Variants in RTF2 observed in about 807,000 individuals in gnomAD.
The protein encoded by RTF2 is UPF0549 protein C20orf43.
RTF2 carries 18 observed loss-of-function variants against 38.0 expected under a neutral mutation model. The observed-to-expected ratio is 0.47, with a 90% CI of 0.33 to 0.70. The LOEUF (loss-of-function observed/expected upper bound fraction) is 0.70, where lower values mean the gene tolerates loss of function less well. Ranked by LOEUF, RTF2 falls within the 30% of genes least tolerant of loss-of-function variation. The pLI is 0.02. For missense variants in RTF2, 311 were observed against 379.6 expected (o/e 0.82, Z 1.50); for synonymous variants, 126 against 137.1 (o/e 0.92, Z 0.57).
intron 4 of RTF2, among the ~76,000 whole-genome samples, chr20:56,478,040 T>C (rs1982345421): frequency 2.0e-5 from 3 of 152,326 alleles, no homozygotes; most frequent in Admixed American, 2.0e-4. Context: ...TTTCATAGGA[T>C]GTCTCACTAA....
At chr20:56,471,403 C>G (rs1237771927) in intron 1 of RTF2, among the ~76,000 whole-genome samples, 1 of 152,050 alleles carries the variant, frequency 6.6e-6, no homozygotes, top group Non-Finnish European at 1.5e-5. Context: ...CCTGTCTCCA[C>G]TAAAAATACA....
Position 56,468,763 on chromosome 20 carries a change from G to A in RTF2, c.66G>A (p.Glu22=), listed in dbSNP as rs1981811311. The change falls in exon 1 of 9, where the codon GAG becomes GAA. Residue 22 remains glutamate, a synonymous_variant. Coordinates refer to ENST00000357348, the MANE Select transcript of RTF2 (RefSeq NM_016407.5). ...HELVKGPKKV[E]KVDKDAELVA... is the part of the protein sequence containing the mutation. ...TGGTGAAGGGGCCGAAGAAGGTTGA[G>A]AAGGTCAGTGATGTGGGCCGGCTCT... 1 of 1,579,010 alleles carries A rather than the reference G, an allele frequency of 6.3e-7. No homozygotes were observed. The highest frequency in any genetic ancestry group is 8.6e-7 in the Non-Finnish European group (1 of 1,162,526).
intron 5 of RTF2, among the ~76,000 whole-genome samples, chr20:56,512,737 T>G (rs1355321371): frequency 2.0e-5 from 3 of 152,146 alleles, no homozygotes; most frequent in Non-Finnish European, 4.4e-5. Context: ...CAGCTGGGTG[T>G]TAAGGGAAAA....
intron 5 of RTF2, among the ~76,000 whole-genome samples, chr20:56,493,056 A>G (rs1983271697): frequency 6.6e-6 from 1 of 151,990 alleles, no homozygotes; most frequent in Non-Finnish European, 1.5e-5. Flanking sequence ...CGTGCCTGTA[A>G]TCCCAGCCAC....
rs539046442 is a variant in RTF2 at position 56,468,665 on chromosome 20, G to T, written c.-33G>T. On this transcript the variant is annotated 5_prime_UTR_variant, in exon 1 of 9. Coordinates refer to ENST00000357348, the MANE Select transcript of RTF2 (RefSeq NM_016407.5). ...GAAATCCCGGAAGTGACAGCTTTGG[G>T]GGTTTGCTGCTGGCTCTGACTCCCG... The T allele has an allele frequency of 3.9e-6, 6 of 1,550,976 alleles. No individual in the cohort carries two copies. Among genetic ancestry groups the T allele is most frequent in the African/African-American group, 2.7e-5 (2 of 73,304 alleles).
At chr20:56,477,574 G>A (rs530733647) in intron 4 of RTF2, among the ~76,000 whole-genome samples, 6 of 152,026 alleles carry the variant, frequency 3.9e-5, no homozygotes, top group Admixed American at 6.5e-5. Flanking sequence ...GTAGAAATAA[G>A]GTCTCACTTT....
At chr20:56,491,868 G>A (rs1313008294) in intron 5 of RTF2, 22 of 922,450 alleles carry the variant, frequency 2.4e-5, no homozygotes, top group African/African-American at 6.6e-5. Context: ...TGCTCCGTCC[G>A]GTGTCAGTGG....
chr20:56,476,917 T>C lies in RTF2; in HGVS notation c.259-68T>C, dbSNP rs3818166. ...GGGCTGGAATAACAATTTGTTGACT[T>C]ACGTGGTTAAGGCAAAGGATGATCT... On this transcript the variant is annotated intron_variant, in intron 3 of 8. Coordinates refer to ENST00000357348, the MANE Select transcript of RTF2 (RefSeq NM_016407.5). The C allele has an allele frequency of 0.022, 32,695 of 1,512,808 alleles. 2,703 individuals carry two copies. The East Asian group carries it at 0.29, about 13-fold the overall frequency. 93.7% of individuals were successfully genotyped at this position (1,512,808 alleles called of 1,614,324 possible).
intron 4 of RTF2, among the ~76,000 whole-genome samples, chr20:56,482,730 C>A (rs1982585654): frequency 6.6e-6 from 1 of 152,242 alleles, no homozygotes; most frequent in Non-Finnish European, 1.5e-5. Flanking sequence ...CAATCTGCGT[C>A]TGCTATAATC....
chr20:56,489,951 G>T (rs538206263), intron 5 of RTF2, among the ~76,000 whole-genome samples: 1 of 152,224 alleles, frequency 6.6e-6, no homozygotes, highest in East Asian at 1.9e-4. Flanking sequence ...TGGGAAGGTG[G>T]TGGTGGGCTG....
intron 5 of RTF2, among the ~76,000 whole-genome samples, chr20:56,507,681 G>A (rs1984369727): frequency 6.6e-6 from 1 of 152,168 alleles, no homozygotes; most frequent in Admixed American, 6.5e-5. Context: ...ATAGAAAGAA[G>A]CAGCAGCAGA....
intron 5 of RTF2, among the ~76,000 whole-genome samples, chr20:56,511,642 G>A (rs974164683): frequency 4.6e-5 from 7 of 151,944 alleles, no homozygotes; most frequent in African/African-American, 1.7e-4. Flanking sequence ...TCTGTGGGGG[G>A]GCCATCCTGT....
At chr20:56,496,263 T>C (rs1983522195) in intron 5 of RTF2, among the ~76,000 whole-genome samples, 1 of 152,096 alleles carries the variant, frequency 6.6e-6, no homozygotes. Flanking sequence ...CAATAAATCT[T>C]ATGGCCGGGC....
rs6024915 is a variant in RTF2 at position 56,507,006 on chromosome 20, T to C, written c.478-6309T>C. Among the ~76,000 whole-genome samples, 136 of 152,092 alleles carry C rather than the reference T, an allele frequency of 8.9e-4. 2 individuals carry two copies. Among genetic ancestry groups the C allele is most frequent in the African/African-American group, 3.1e-3 (129 of 41,360 alleles). ...TGAGCCACCGCGCCTGGCCGTATTA[T>C]GATTTTTTTAACCATTTCACCCATT... is the stretch of plus-strand genomic sequence containing the variant. On this transcript the variant is annotated intron_variant, in intron 5 of 8. Transcript: ENST00000357348.
At chr20:56,507,934 T>C (rs1219826444) in intron 5 of RTF2, among the ~76,000 whole-genome samples, 1 of 152,190 alleles carries the variant, frequency 6.6e-6, no homozygotes, top group East Asian at 1.9e-4. Flanking sequence ...GAACCTCCTC[T>C]AGCAGAGCAG....
intron 1 of RTF2, 30 bp downstream of exon 1, chr20:56,468,796 CG>C: frequency 1.9e-6 from 3 of 1,544,626 alleles, no homozygotes; most frequent in Non-Finnish European, 2.6e-6. Flanking sequence ...TCTTGGCGAC[CG>C]GGGGTGGTGG....
intron 5 of RTF2, among the ~76,000 whole-genome samples, chr20:56,486,007 C>G (rs1258916391): frequency 6.6e-6 from 1 of 152,090 alleles, no homozygotes; most frequent in Non-Finnish European, 1.5e-5. Flanking sequence ...AAAGGAAGAG[C>G]ATGGTTATTG....
rs1985191048 is a variant in RTF2 at position 56,518,430 on chromosome 20, G to A, written c.*165G>A. 4 of 630,762 alleles carry A rather than the reference G, an allele frequency of 6.3e-6. No homozygotes were observed. The highest frequency in any genetic ancestry group is 4.4e-4 in the Middle Eastern group (1 of 2,280). 39.1% of individuals were successfully genotyped at this position (630,762 alleles called of 1,614,324 possible). A position where few individuals can be genotyped will look rare whatever the true frequency, so the allele number is the denominator to read the frequency against. ...GGTGTGGCCACTCTTGATGTGAGGCGTGTCGGTTCCAGGGGGGACATGGGA... is the reference window on the plus strand; with the variant it reads ...GGTGTGGCCACTCTTGATGTGAGGCATGTCGGTTCCAGGGGGGACATGGGA... On this transcript the variant is annotated 3_prime_UTR_variant, in exon 9 of 9. Transcript: ENST00000357348.
intron 5 of RTF2, 101 bp downstream of exon 5, chr20:56,484,290 C>T (rs900747054): frequency 2.9e-6 from 3 of 1,028,996 alleles, no homozygotes; most frequent in Admixed American, 3.6e-5. Context: ...AATCAGCTCT[C>T]ATAAGTTGCT....
Sources: allele counts gnomAD v4.1 joint callset (sites outside exome capture counted in the v4.1 genomes callset), GRCh38; gene constraint gnomAD v4.1.1; transcripts MANE v1.5; gene names NCBI Gene and HGNC (gene_info 2026-07-23, HGNC 2026-07-21).